Variants in ZC3H11A observed in about 807,000 individuals in gnomAD.
The protein encoded by ZC3H11A is zinc finger CCCH-type containing 11A.
A neutral mutation model predicts 90.8 loss-of-function variants in ZC3H11A; 22 were observed. The observed-to-expected ratio is 0.24, with a 90% CI of 0.17 to 0.35. The LOEUF (loss-of-function observed/expected upper bound fraction) is 0.35, where lower values mean the gene tolerates loss of function less well. Among genes scored for constraint, ZC3H11A ranks in the 10% least tolerant of loss-of-function variants. ZC3H11A has a pLI of 1.00. For synonymous variants in ZC3H11A, 294 were observed against 339.8 expected (o/e 0.87, Z 1.48); for missense variants, 701 against 964.9 (o/e 0.73, Z 3.62).
chr1:203,837,555 C>A (rs570298688), intron 10 of ZC3H11A, among the ~76,000 whole-genome samples: 1 of 151,698 alleles, frequency 6.6e-6, no homozygotes, highest in Non-Finnish European at 1.5e-5. Context: ...TCACTGTAGC[C>A]TTTCTACCTC....
chr1:203,817,156 C>T lies in ZC3H11A; in HGVS notation c.54+32C>T, dbSNP rs185234237. The T allele has an allele frequency of 2.9e-5, 45 of 1,542,322 alleles. No individual in the cohort carries two copies. The African/African-American group carries it at 5.5e-4, about 19-fold the overall frequency. On this transcript the variant is annotated intron_variant, in intron 3 of 17. Transcript: ENST00000367210. ...ATTGACATCTTTAAATCAGTTCTTT[C>T]TACAATTTGCTTAATAGAATTGGAT...
At chr1:203,849,212 A>G (rs1430190724) in intron 14 of ZC3H11A, among the ~76,000 whole-genome samples, 1 of 152,140 alleles carries the variant, frequency 6.6e-6, no homozygotes, top group Non-Finnish European at 1.5e-5. Flanking sequence ...TTATATATGC[A>G]TGCATGTGAA....
At chr1:203,837,508 TAGTATTATGATCATAGCTC>T (rs1288032882) in intron 10 of ZC3H11A, among the ~76,000 whole-genome samples, 32 of 151,650 alleles carry the variant, frequency 2.1e-4, no homozygotes, top group Admixed American at 1.8e-3. Flanking sequence ...GGCAGGAGTG[TAGTATTATGATCATAGCTC>T]AGTATTATGA....
Position 203,851,116 on chromosome 1 carries a change from T to C in ZC3H11A, c.2166T>C (p.Pro722=). The change falls in exon 17 of 18, where the codon CCT becomes CCC. Residue 722 remains proline, a synonymous_variant. Coordinates refer to ENST00000367210, the MANE Select transcript of ZC3H11A (RefSeq NM_001376342.1). ...TCACTGTGCCTGAAGCAGAAAATCC[T>C]AGAGACAGGTAATACTTTGTAATTC... ...KSVTVPEAEN[P]RDSLVLPPTQ... 5.0e-6 allele frequency: 8 copies of C among 1,614,180 alleles called. No individual in the cohort carries two copies. The highest frequency in any genetic ancestry group is 6.8e-6 in the Non-Finnish European group (8 of 1,180,024).
intron 4 of ZC3H11A, among the ~76,000 whole-genome samples, chr1:203,825,076 C>CAAAAAA (rs61108073): frequency 8.3e-5 from 9 of 108,932 alleles, no homozygotes; most frequent in African/African-American, 1.4e-4. Flanking sequence ...GACTCCGTCT[C>CAAAAAA]AAAAAAAAAA....
At chr1:203,836,488 G>A (rs541942837) in intron 10 of ZC3H11A, among the ~76,000 whole-genome samples, 47 of 152,296 alleles carry the variant, frequency 3.1e-4, no homozygotes, top group African/African-American at 1.1e-3. Context: ...GGTAGCTTAC[G>A]CCTGTAATCC....
intron 15 of ZC3H11A, chr1:203,850,267 T>C (rs111275545): frequency 2.1e-5 from 14 of 653,538 alleles, no homozygotes; most frequent in Middle Eastern, 4.0e-4. Flanking sequence ...ATCTTTCCTC[T>C]GGTATTGAAT....
At chr1:203,823,661 T>C (rs1329714430) in intron 4 of ZC3H11A, among the ~76,000 whole-genome samples, 1 of 152,240 alleles carries the variant, frequency 6.6e-6, no homozygotes, top group Non-Finnish European at 1.5e-5. Flanking sequence ...GCTGCTATGC[T>C]AACTCTTTTC....
At chr1:203,837,454 CT>C (rs148758453) in intron 10 of ZC3H11A, among the ~76,000 whole-genome samples, 219 of 143,860 alleles carry the variant, frequency 1.5e-3, no homozygotes, top group Middle Eastern at 3.6e-3. Flanking sequence ...CCTTGTCTCT[CT>C]TTTTTTTTTT....
In ZC3H11A at chr1:203,852,480, T is replaced by C; in HGVS notation, c.*81T>C. The C allele has an allele frequency of 6.8e-7, 1 of 1,480,964 alleles. No individual in the cohort carries two copies. The highest frequency in any genetic ancestry group is 2.4e-5 in the East Asian group (1 of 42,420). 91.7% of individuals were successfully genotyped at this position (1,480,964 alleles called of 1,614,324 possible). ...CATCTATTGTAACATTTACCTGAGA[T>C]GATCATTTCTTTAGTCTAGAATTTG... On this transcript the variant is annotated 3_prime_UTR_variant, in exon 18 of 18. Coordinates refer to ENST00000367210, the MANE Select transcript of ZC3H11A (RefSeq NM_001376342.1).
chr1:203,840,831 A>G (rs1345203816), intron 12 of ZC3H11A, among the ~76,000 whole-genome samples: 6 of 151,972 alleles, frequency 3.9e-5, no homozygotes, highest in Admixed American at 3.9e-4. Context: ...ACGGGGTTTC[A>G]CCATGTTGGT....
intron 2 of ZC3H11A, among the ~76,000 whole-genome samples, chr1:203,813,193 G>GT (rs58580767): frequency 0.026 from 3,935 of 151,584 alleles, 165 homozygotes; most frequent in African/African-American, 0.089. Flanking sequence ...CCAATTTAAT[G>GT]TTTTTTTGTT....
intron 12 of ZC3H11A, among the ~76,000 whole-genome samples, chr1:203,846,228 C>G (rs1687882252): frequency 6.7e-6 from 1 of 148,456 alleles, no homozygotes; most frequent in Admixed American, 6.7e-5. Flanking sequence ...TCCAAATTAT[C>G]ATTTATTTCA....
intron 4 of ZC3H11A, among the ~76,000 whole-genome samples, chr1:203,820,100 T>C (rs1678012259): frequency 6.6e-6 from 1 of 151,658 alleles, no homozygotes; most frequent in African/African-American, 2.4e-5. Flanking sequence ...TTGGGTGTGG[T>C]GGCACGCGTC....
chr1:203,828,170 T>C (rs1681177630), intron 4 of ZC3H11A, 129 bp from the exon 5 acceptor site: 2 of 1,084,078 alleles, frequency 1.8e-6, no homozygotes, highest in Non-Finnish European at 1.3e-6. Flanking sequence ...CTCTTCCTTC[T>C]AAAAATCATC....
intron 12 of ZC3H11A, among the ~76,000 whole-genome samples, chr1:203,843,509 G>A (rs1687047465): frequency 2.0e-5 from 3 of 152,232 alleles, no homozygotes; most frequent in Middle Eastern, 3.4e-3. Context: ...TTTAGACAAG[G>A]AATTGACAAT....
At chr1:203,826,382 T>C (rs201062771) in intron 4 of ZC3H11A, among the ~76,000 whole-genome samples, 1 of 131,514 alleles carries the variant, frequency 7.6e-6, no homozygotes, top group South Asian at 2.3e-4. Flanking sequence ...TTAATAATAA[T>C]TAATTCTTTT....
intron 8 of ZC3H11A, among the ~76,000 whole-genome samples, chr1:203,830,579 G>A (rs1373334771): frequency 2.0e-5 from 3 of 152,176 alleles, no homozygotes; most frequent in African/African-American, 2.4e-5. Context: ...TTGGGAGGCC[G>A]AGGAGGGCGA....
At chr1:203,850,966 C>A in intron 16 of ZC3H11A, 91 bp from the exon 17 acceptor site, 1 of 1,447,822 alleles carries the variant, frequency 6.9e-7, no homozygotes, top group Non-Finnish European at 9.6e-7. Flanking sequence ...AGAATCATAG[C>A]CACAATTCTA....
Sources: allele counts gnomAD v4.1 joint callset (sites outside exome capture counted in the v4.1 genomes callset), GRCh38; gene constraint gnomAD v4.1.1; transcripts MANE v1.5; gene names NCBI Gene and HGNC (gene_info 2026-07-23, HGNC 2026-07-21).